Variants in HTR4 observed in about 807,000 individuals in gnomAD.
HTR4 encodes the protein 5-hydroxytryptamine (serotonin) receptor 4, G protein-coupled.
A neutral mutation model predicts 36.8 loss-of-function variants in HTR4; 16 were observed. The ratio of observed to expected loss-of-function variants is 0.43; its 90% CI spans 0.29 to 0.66. HTR4 has a LOEUF of 0.66. Among genes scored for constraint, HTR4 ranks in the 30% least tolerant of loss-of-function variants. The probability of loss-of-function intolerance (pLI) is 0.13; values close to 1 mark genes in which losing one functional copy is unlikely to be tolerated. For missense variants in HTR4, 438 were observed against 490.9 expected (o/e 0.89, Z 1.02); for synonymous variants, 189 against 185.1 (o/e 1.02, Z -0.17).
downstream of HTR4, chr5:148,476,491 TTTCTC>T (rs1755700747): frequency 3.7e-6 from 4 of 1,077,720 alleles, no homozygotes; most frequent in Admixed American, 4.3e-5. Flanking sequence ...CAGAAAGAGT[TTTCTC>T]TTATCAGAAG....
At chr5:148,455,266 C>A (rs1030205317) in intron 5 of HTR4, among the ~76,000 whole-genome samples, 1 of 152,114 alleles carries the variant, frequency 6.6e-6, no homozygotes, top group African/African-American at 2.4e-5. Context: ...CACTCCTGAA[C>A]CTTTGCCCTG....
At chr5:148,483,933 TATTA>T (rs1269526129) in intron 6 of HTR4, among the ~76,000 whole-genome samples, 1 of 131,864 alleles carries the variant, frequency 7.6e-6, no homozygotes, top group Non-Finnish European at 1.6e-5. Context: ...TAGTTGATTT[TATTA>T]TTTATTTATT....
intron 5 of HTR4, among the ~76,000 whole-genome samples, chr5:148,464,473 C>A (rs571503006): frequency 1.3e-5 from 2 of 152,116 alleles, no homozygotes; most frequent in East Asian, 1.9e-4. Context: ...ATTTAGATGG[C>A]AAATAAGCAA....
At chr5:148,598,812 T>C (rs2127266317) in intron 2 of HTR4, among the ~76,000 whole-genome samples, 1 of 152,296 alleles carries the variant, frequency 6.6e-6, no homozygotes, top group South Asian at 2.1e-4. Context: ...ACAAAATTCA[T>C]GTTGAAAGAA....
At chr5:148,562,188 G>C (rs892564202) in intron 2 of HTR4, among the ~76,000 whole-genome samples, 2 of 152,166 alleles carry the variant, frequency 1.3e-5, no homozygotes, top group African/African-American at 4.8e-5. Context: ...CTCTAGCTGA[G>C]TTTACACTAC....
intron 2 of HTR4, among the ~76,000 whole-genome samples, chr5:148,577,023 G>T (rs1760950244): frequency 6.6e-6 from 1 of 152,006 alleles, no homozygotes; most frequent in African/African-American, 2.4e-5. Context: ...ACTATCAACA[G>T]AGTAAACAGA....
chr5:148,546,549 A>G (rs944938512), intron 4 of HTR4, among the ~76,000 whole-genome samples: 3 of 152,210 alleles, frequency 2.0e-5, no homozygotes, highest in Non-Finnish European at 4.4e-5. Flanking sequence ...ATCTGAAGCC[A>G]AACCTGTCAA....
At chr5:148,540,400 G>GTATA (rs56021250) in intron 4 of HTR4, among the ~76,000 whole-genome samples, 233 of 74,234 alleles carry the variant, frequency 3.1e-3, no homozygotes, top group Middle Eastern at 8.5e-3. Context: ...TTATGTGTGT[G>GTATA]TATATATATA....
At chr5:148,578,501 T>G (rs1013017837) in intron 2 of HTR4, among the ~76,000 whole-genome samples, 3 of 152,106 alleles carry the variant, frequency 2.0e-5, no homozygotes, top group African/African-American at 7.2e-5. Flanking sequence ...ATGCATACTT[T>G]CAATGAACAT....
chr5:148,467,064 A>C (rs1262603801), intron 5 of HTR4, among the ~76,000 whole-genome samples: 3 of 152,182 alleles, frequency 2.0e-5, no homozygotes, highest in Non-Finnish European at 4.4e-5. Context: ...TCTGCATGTC[A>C]TGCTTCTCTG....
intron 2 of HTR4, among the ~76,000 whole-genome samples, chr5:148,586,819 T>G (rs1761365640): frequency 6.6e-6 from 1 of 152,174 alleles, no homozygotes; most frequent in African/African-American, 2.4e-5. Context: ...GTGAATGAGA[T>G]AGCAACTGAT....
At chr5:148,529,949 T>C (rs954613402) in intron 4 of HTR4, among the ~76,000 whole-genome samples, 3 of 152,142 alleles carry the variant, frequency 2.0e-5, no homozygotes, top group Non-Finnish European at 2.9e-5. Flanking sequence ...CCTTAGAGAT[T>C]TGTGGAACTT....
At chr5:148,485,869 A>G (rs1423720107) in intron 6 of HTR4, among the ~76,000 whole-genome samples, 2 of 152,186 alleles carry the variant, frequency 1.3e-5, no homozygotes, top group East Asian at 3.9e-4. Context: ...TGGAGAGAGG[A>G]AGAGGTTCTT....
At chr5:148,559,640 T>A (rs914766422) in intron 2 of HTR4, among the ~76,000 whole-genome samples, 1 of 152,148 alleles carries the variant, frequency 6.6e-6, no homozygotes, top group Non-Finnish European at 1.5e-5. Context: ...AAAACTCCGA[T>A]GGACAATCTC....
At chr5:148,565,965 G>A (rs1330830776) in intron 2 of HTR4, among the ~76,000 whole-genome samples, 1 of 152,122 alleles carries the variant, frequency 6.6e-6, no homozygotes, top group Non-Finnish European at 1.5e-5. Context: ...GATGATGCTT[G>A]TGACAAATGT....
At chr5:148,640,441 ACT>A (rs1394557388) in intron 1 of HTR4, among the ~76,000 whole-genome samples, 2 of 151,962 alleles carry the variant, frequency 1.3e-5, no homozygotes, top group Non-Finnish European at 2.9e-5. Flanking sequence ...TGCTAGAAAG[ACT>A]CTGTATTTCC....
In HTR4 at chr5:148,578,455, G is replaced by T. The variant is rs76082255; in HGVS notation, c.27-28193C>A. ...TATAAATAGCATTGTTTGAACAAAG[G>T]TATCTCTTTCCTTTTTATATAAACG... is the stretch of plus-strand genomic sequence containing the variant. On this transcript the variant is annotated intron_variant, in intron 2 of 6. Coordinates refer to ENST00000377888, the MANE Select transcript of HTR4 (RefSeq NM_000870.7). Among the ~76,000 whole-genome samples, 156 of 152,100 alleles carry T rather than the reference G, an allele frequency of 1.0e-3. 4 individuals are homozygous for T. In the East Asian group the frequency reaches 0.028, roughly 28 times the overall value.
chr5:148,477,605 C>T (rs1755740241), downstream of HTR4, among the ~76,000 whole-genome samples: 1 of 152,140 alleles, frequency 6.6e-6, no homozygotes, highest in African/African-American at 2.4e-5. Flanking sequence ...TTTTCTGATC[C>T]CTGTGATAGG....
chr5:148,641,957 C>T (rs771116794), intron 1 of HTR4, among the ~76,000 whole-genome samples: 46 of 152,186 alleles, frequency 3.0e-4, no homozygotes, highest in Non-Finnish European at 4.6e-4. Context: ...TCGATGTAGT[C>T]TGGTACAGTG....
Sources: allele counts gnomAD v4.1 joint callset (sites outside exome capture counted in the v4.1 genomes callset), GRCh38; gene constraint gnomAD v4.1.1; transcripts MANE v1.5; gene names NCBI Gene and HGNC (gene_info 2026-07-23, HGNC 2026-07-21).